Variants in SLIT2 observed in about 807,000 individuals in gnomAD.
SLIT2 encodes slit homolog 2 protein.
SLIT2 carries 41 observed loss-of-function variants against 185.7 expected under a neutral mutation model. The observed-to-expected ratio is 0.22, with a 90% CI of 0.17 to 0.29. The LOEUF (loss-of-function observed/expected upper bound fraction) is 0.29. Ranked by LOEUF, SLIT2 falls within the 10% of genes least tolerant of loss-of-function variation. The pLI is 1.00. For synonymous variants in SLIT2, 693 were observed against 680.2 expected (o/e 1.02, Z -0.29); for missense variants, 1,571 against 1,909.0 (o/e 0.82, Z 3.30).
At chr4:20,566,685 G>C (rs951679799) in intron 26 of SLIT2, among the ~76,000 whole-genome samples, 17 of 151,972 alleles carry the variant, frequency 1.1e-4, no homozygotes, top group African/African-American at 4.1e-4. Flanking sequence ...AAATGAGGGA[G>C]ATGATAATGA....
At chr4:20,502,540 CAA>C (rs968701452) in intron 9 of SLIT2, among the ~76,000 whole-genome samples, 13 of 152,050 alleles carry the variant, frequency 8.5e-5, no homozygotes, top group African/African-American at 2.2e-4. Flanking sequence ...GCACAAAAAA[CAA>C]AGAGAGAGGG....
At chr4:20,603,559 T>C (rs1346359704) in intron 33 of SLIT2, among the ~76,000 whole-genome samples, 2 of 152,204 alleles carry the variant, frequency 1.3e-5, no homozygotes, top group African/African-American at 4.8e-5. Flanking sequence ...TTGAAAAATA[T>C]ATGCTTCTTT....
chr4:20,580,661 C>G (rs1332302327), intron 29 of SLIT2, among the ~76,000 whole-genome samples: 1 of 152,156 alleles, frequency 6.6e-6, no homozygotes, highest in Non-Finnish European at 1.5e-5. Flanking sequence ...ACCAGCTCCC[C>G]TCCAACAGAG....
chr4:20,586,626 G>A (rs1560217214), intron 29 of SLIT2, among the ~76,000 whole-genome samples: 1 of 152,122 alleles, frequency 6.6e-6, no homozygotes, highest in African/African-American at 2.4e-5. Context: ...GTTTAAAACT[G>A]TTTAGCATAC....
chr4:20,299,679 G>A (rs1230667258), intron 4 of SLIT2, among the ~76,000 whole-genome samples: 1 of 150,362 alleles, frequency 6.7e-6, no homozygotes, highest in Non-Finnish European at 1.5e-5. Flanking sequence ...GTTTTGTGAT[G>A]TGAGGTGATG....
intron 4 of SLIT2, among the ~76,000 whole-genome samples, chr4:20,444,634 C>T (rs1711564804): frequency 6.6e-6 from 1 of 152,184 alleles, no homozygotes; most frequent in African/African-American, 2.4e-5. Flanking sequence ...GTGGATAGCC[C>T]AGTGCAGTAT....
intron 4 of SLIT2, among the ~76,000 whole-genome samples, chr4:20,397,344 C>T (rs1212757752): frequency 1.3e-5 from 2 of 151,732 alleles, no homozygotes; most frequent in African/African-American, 4.8e-5. Flanking sequence ...GAACAGAGTT[C>T]TAATGCTAAT....
In SLIT2 at chr4:20,251,995, A is replaced by G. The variant is rs377519735; in HGVS notation, c.-1821A>G. On this transcript the variant is annotated 5_prime_UTR_variant, in exon 1 of 37. Coordinates refer to ENST00000504154, the MANE Select transcript of SLIT2 (RefSeq NM_004787.4). ...GCCGCAGACTGTGGTTAAAAAAAAG[A>G]AGGCGGCGGCGGCGGCGGCGGCGGA... 0.014 allele frequency among the ~76,000 whole-genome samples: 2,080 copies of G among 150,868 alleles called. 39 individuals carry two copies. Among genetic ancestry groups the G allele is most frequent in the East Asian group, 0.062 (292 of 4,714 alleles).
intron 4 of SLIT2, among the ~76,000 whole-genome samples, chr4:20,289,394 G>A (rs1233112124): frequency 6.6e-5 from 10 of 152,006 alleles, no homozygotes; most frequent in Admixed American, 5.9e-4. Flanking sequence ...TACTATTGTT[G>A]TTGCCATTGC....
At chr4:20,574,186 C>T (rs1725870439) in intron 29 of SLIT2, among the ~76,000 whole-genome samples, 1 of 151,818 alleles carries the variant, frequency 6.6e-6, no homozygotes, top group Non-Finnish European at 1.5e-5. Flanking sequence ...GATCTCCTGA[C>T]CTCATGATTC....
At chr4:20,453,818 C>G (rs533697108) in intron 4 of SLIT2, among the ~76,000 whole-genome samples, 1 of 152,298 alleles carries the variant, frequency 6.6e-6, no homozygotes, top group East Asian at 1.9e-4. Flanking sequence ...ATTGTACAAG[C>G]TCTAGTCGAA....
At chr4:20,266,828 G>A (rs556634827) in intron 3 of SLIT2, among the ~76,000 whole-genome samples, 3 of 152,110 alleles carry the variant, frequency 2.0e-5, no homozygotes, top group East Asian at 3.9e-4. Flanking sequence ...CTAACTTTTT[G>A]TAGGAGAATC....
chr4:20,484,074 A>T lies in SLIT2; in HGVS notation c.540-2126A>T, dbSNP rs997592557. On this transcript the variant is annotated intron_variant, in intron 6 of 36. Coordinates refer to ENST00000504154, the MANE Select transcript of SLIT2 (RefSeq NM_004787.4). This position sits in a 1 kb window ranked among gnomAD's most constrained non-coding sequence, Gnocchi z 4.3. ...CATTTTGAGAAAAGACTTCAAATTG[A>T]TAACTGAAGTTTTTGGCATTCAATG... 1.3e-5 allele frequency among the ~76,000 whole-genome samples: 2 copies of T among 152,104 alleles called. No individual in the cohort carries two copies. The highest frequency in any genetic ancestry group is 4.8e-5 in the African/African-American group (2 of 41,442).
chr4:20,265,396 G>A (rs571449030), intron 3 of SLIT2, among the ~76,000 whole-genome samples: 3 of 152,012 alleles, frequency 2.0e-5, no homozygotes, highest in Admixed American at 1.3e-4. Flanking sequence ...ATGGATGGAA[G>A]AGAGAATAGA....
chr4:20,469,019 C>G (rs937467114), intron 5 of SLIT2, among the ~76,000 whole-genome samples: 1 of 152,090 alleles, frequency 6.6e-6, no homozygotes, highest in African/African-American at 2.4e-5. Context: ...CTACAGGCTT[C>G]TAAGGTATAA....
intron 5 of SLIT2, among the ~76,000 whole-genome samples, chr4:20,472,408 C>A (rs1158035730): frequency 4.3e-4 from 14 of 32,456 alleles, no homozygotes; most frequent in African/African-American, 7.4e-4. Flanking sequence ...ATATAGATAT[C>A]TATATATCTA....
intron 6 of SLIT2, among the ~76,000 whole-genome samples, chr4:20,485,148 A>G (rs1717090471): frequency 1.3e-5 from 2 of 152,086 alleles, no homozygotes; most frequent in African/African-American, 2.4e-5. Context: ...TTCCATGTCT[A>G]CACTTTACTT....
At chr4:20,600,971 A>T (rs1728370759) in intron 33 of SLIT2, among the ~76,000 whole-genome samples, 1 of 151,836 alleles carries the variant, frequency 6.6e-6, no homozygotes, top group African/African-American at 2.4e-5. Context: ...AAAGGAAGAA[A>T]GAAAGGAAGC....
rs896852617 is a variant in SLIT2 at position 20,268,887 on chromosome 4, T to C, written c.395+6T>C. The C allele has an allele frequency of 2.0e-6, 3 of 1,534,736 alleles. No individual in the cohort carries two copies. Among genetic ancestry groups the C allele is most frequent in the South Asian group, 2.2e-5 (2 of 89,432 alleles). On this transcript the variant is annotated splice_donor_region_variant and intron_variant, in intron 4 of 36. Coordinates refer to ENST00000504154, the MANE Select transcript of SLIT2 (RefSeq NM_004787.4). ...ACTGCGAAGCTATACAGGCTGTAAG[T>C]AGACACAAATAGTTATTGTTGCTTT...
Sources: gnomAD v4.1 joint callset for allele counts (sites outside exome capture counted in the v4.1 genomes callset) on GRCh38, gnomAD v4.1.1 for gene constraint, Gnocchi (gnomAD v3.1) non-coding constraint, MANE v1.5 for transcripts, NCBI Gene and HGNC (gene_info 2026-07-23, HGNC 2026-07-21) for gene names.